TTBK1: variants seen among roughly 807,000 people sequenced by gnomAD.
The protein encoded by TTBK1 is tau-tubulin kinase 1.
A neutral mutation model predicts 108.5 loss-of-function variants in TTBK1; 34 were observed. That is an observed-to-expected ratio of 0.31 (90% CI 0.24 to 0.42). TTBK1 has a LOEUF of 0.42. TTBK1 is among the 10% of genes least tolerant of loss of function. The probability of loss-of-function intolerance (pLI) is 1.00; values close to 1 mark genes in which losing one functional copy is unlikely to be tolerated. For missense variants in TTBK1, 1,539 were observed against 1,826.0 expected (o/e 0.84, Z 2.86); for synonymous variants, 809 against 795.1 (o/e 1.02, Z -0.29).
In TTBK1 at chr6:43,253,546, C is replaced by A; in HGVS notation, c.331-22C>A. The A allele has an allele frequency of 1.3e-6, 2 of 1,595,780 alleles. No individual in the cohort carries two copies. Among genetic ancestry groups the A allele is most frequent in the Non-Finnish European group, 1.7e-6 (2 of 1,170,850 alleles). On this transcript the variant is annotated intron_variant, in intron 4 of 14. Coordinates refer to ENST00000259750, the MANE Select transcript of TTBK1 (RefSeq NM_032538.3). The surrounding 1 kb of genome is among the most constrained non-coding windows in gnomAD (Gnocchi z 5.8). ...GATGATGGCTGAGGGTGAGTCTACC[C>A]CCCACCTCCACCCCCATGCAGGGCC...
chr6:43,255,183 T>TG lies in TTBK1; in HGVS notation c.642+73dup, dbSNP rs1777352017. The TG allele has an allele frequency of 9.7e-5, 20 of 206,096 alleles. No homozygotes were observed. The Admixed American group carries it at 1.8e-3, about 18-fold the overall frequency. The allele number at this position is 206,096 out of a possible 1,614,324, so 12.8% of individuals were successfully genotyped here. A position where few individuals can be genotyped will look rare whatever the true frequency, so the allele number is the denominator to read the frequency against. ...GCAAGGTCGGGGTGCAGTGTGCTGC[T>TG]GGGGAGGGGTGGGGAGAGGAGAGTG... On this transcript the variant is annotated intron_variant, in intron 7 of 14. Transcript: ENST00000259750.
At chr6:43,275,597 A>G (rs117872220) in intron 13 of TTBK1, among the ~76,000 whole-genome samples, 1,300 of 91,506 alleles carry the variant, frequency 0.014, 30 homozygotes, top group East Asian at 0.11. Context: ...GCTGCCCCCC[A>G]CCCCGCCCCA....
In TTBK1 at chr6:43,282,094, C is replaced by T. The variant is rs1778180039; in HGVS notation, c.1987-633C>T. On this transcript the variant is annotated intron_variant, in intron 13 of 14. Transcript: ENST00000259750. This position sits in a 1 kb window ranked among gnomAD's most constrained non-coding sequence, Gnocchi z 5.4. ...CTGGCTGAGAGGATGGATTGGAGGT[C>T]GAGGGGCCCAGCCTGCACTTTTAAG... is the stretch of plus-strand genomic sequence containing the variant. Among the ~76,000 whole-genome samples the T allele has an allele frequency of 6.6e-6, 1 of 152,196 alleles. No individual in the cohort carries two copies. The highest frequency in any genetic ancestry group is 2.4e-5 in the African/African-American group (1 of 41,444).
Position 43,243,972 on chromosome 6 carries a change from C to T in TTBK1, c.-55+264C>T, listed in dbSNP as rs1216708764. On this transcript the variant is annotated intron_variant, in intron 1 of 14. Coordinates refer to ENST00000259750, the MANE Select transcript of TTBK1 (RefSeq NM_032538.3). This position sits in a 1 kb window ranked among gnomAD's most constrained non-coding sequence, Gnocchi z 5.5. The stretch of plus-strand genomic sequence containing the variant: ...CCCACTCACCTCCGTCCCCTGTCCC[C>T]ATGGCTTCACCCCTGGCTCTCCTGT... 6.6e-6 allele frequency among the ~76,000 whole-genome samples: 1 copy of T among 152,126 alleles called. No individual in the cohort carries two copies. Among genetic ancestry groups the T allele is most frequent in the Non-Finnish European group, 1.5e-5 (1 of 67,990 alleles).
At chr6:43,275,522 A>C (rs1184700313) in intron 13 of TTBK1, among the ~76,000 whole-genome samples, 1 of 151,592 alleles carries the variant, frequency 6.6e-6, no homozygotes, top group Admixed American at 6.6e-5. Context: ...GCGTTCGGCT[A>C]AGCCTCCAGG....
Position 43,254,618 on chromosome 6 carries a change from G to A in TTBK1, c.543G>A (p.Arg181=), listed in dbSNP as rs771582551. The change falls in exon 6 of 15, where the codon CGG becomes CGA. Residue 181 remains arginine (R), a synonymous_variant. Coordinates refer to ENST00000259750, the MANE Select transcript of TTBK1 (RefSeq NM_032538.3). ...ATATGCTGGACTTCGGGCTGGCCCGGCAGTACACCAACACCACGGGGGATG... is the reference window on the plus strand; with the variant it reads ...ATATGCTGGACTTCGGGCTGGCCCGACAGTACACCAACACCACGGGGGATG... ...KCYMLDFGLA[R]QYTNTTGDVR... 1.3e-6 allele frequency: 2 copies of A among 1,590,718 alleles called. No homozygotes were observed. Among genetic ancestry groups the A allele is most frequent in the East Asian group, 2.3e-5 (1 of 43,910 alleles).
intron 13 of TTBK1, among the ~76,000 whole-genome samples, chr6:43,264,631 G>A (rs974766079): frequency 2.6e-5 from 4 of 152,150 alleles, no homozygotes; most frequent in South Asian, 4.1e-4. Flanking sequence ...TCTGCATGAT[G>A]AGTGAGAGGG....
chr6:43,254,720 C>T (rs1777339103), intron 6 of TTBK1, 69 bp downstream of exon 6: 8 of 1,417,618 alleles, frequency 5.6e-6, no homozygotes, highest in Non-Finnish European at 3.8e-6. Context: ...GGACCCTTCA[C>T]CCACTTTTCT....
chr6:43,263,179 G>T lies in TTBK1; in HGVS notation c.1815G>T (p.Glu605Asp), dbSNP rs868347385. 1 of 1,579,704 alleles carries T rather than the reference G, an allele frequency of 6.3e-7. No homozygotes were observed. Among genetic ancestry groups the T allele is most frequent in the Non-Finnish European group, 8.6e-7 (1 of 1,162,468 alleles). Reference sequence around the variant, plus strand: ...GACGCAGCATGCAGGCGCTGGCGGAGGAGGACCTGCAGCATTTGCCGCCCC... The same window carrying T: ...GACGCAGCATGCAGGCGCTGGCGGATGAGGACCTGCAGCATTTGCCGCCCC... ...PRGRSMQALA[E>D]EDLQHLPPQP... The change falls in exon 13 of 15, where the codon GAG (glutamate) becomes GAT (aspartate). Residue 605 changes from glutamate (E) to aspartate (D), a missense_variant. Physicochemically the swap from Glu to Asp is conservative, Grantham distance 45 (BLOSUM62 2). Transcript: ENST00000259750. This position sits in a 1 kb window ranked among gnomAD's most constrained non-coding sequence, Gnocchi z 4.7.
Position 43,243,862 on chromosome 6 carries a change from G to A in TTBK1, c.-55+154G>A, listed in dbSNP as rs1777019626. 6.6e-6 allele frequency among the ~76,000 whole-genome samples: 1 copy of A among 152,086 alleles called. No homozygotes were observed. Among genetic ancestry groups the A allele is most frequent in the Non-Finnish European group, 1.5e-5 (1 of 67,948 alleles). The stretch of plus-strand genomic sequence containing the variant: ...GCTGGGACGCTGGCCTACACCGCCT[G>A]GGCCGCGCCGAGGCCTGGAGCCGCT... On this transcript the variant is annotated intron_variant, in intron 1 of 14. Transcript: ENST00000259750. This position sits in a 1 kb window ranked among gnomAD's most constrained non-coding sequence, Gnocchi z 5.5.
chr6:43,249,805 G>A (rs2841637), intron 2 of TTBK1, among the ~76,000 whole-genome samples: 8,001 of 152,100 alleles, frequency 0.053, 294 homozygotes, highest in African/African-American at 0.11. Flanking sequence ...TCAAACTCCC[G>A]ACCTCAAGTC....
rs1356136660 is a variant in TTBK1 at position 43,263,967 on chromosome 6, G to T, written c.1986+617G>T. On this transcript the variant is annotated intron_variant, in intron 13 of 14. Transcript: ENST00000259750. The surrounding 1 kb of genome is among the most constrained non-coding windows in gnomAD (Gnocchi z 4.7). ...GGTGGGGCTGTGGATGTGGGGCAAG[G>T]TGGATAGTGCCAAGGGTGTTGGGGA... is the stretch of plus-strand genomic sequence containing the variant. Among the ~76,000 whole-genome samples, 2 of 152,216 alleles carry T rather than the reference G, an allele frequency of 1.3e-5. No individual in the cohort carries two copies. The highest frequency in any genetic ancestry group is 4.8e-5 in the African/African-American group (2 of 41,448).
At chr6:43,284,764 C>T (rs940859775) in intron 14 of TTBK1, among the ~76,000 whole-genome samples, 21 of 152,160 alleles carry the variant, frequency 1.4e-4, no homozygotes, top group African/African-American at 4.8e-4. Flanking sequence ...AAGCCAGCAG[C>T]AGGCTCTTCC....
chr6:43,276,058 G>A lies in TTBK1; in HGVS notation c.1987-6669G>A, dbSNP rs1777980618. On this transcript the variant is annotated intron_variant, in intron 13 of 14. Coordinates refer to ENST00000259750, the MANE Select transcript of TTBK1 (RefSeq NM_032538.3). The surrounding 1 kb of genome is among the most constrained non-coding windows in gnomAD (Gnocchi z 5.4). ...AGACGCCTTCTAATTGCGGGGTGGG[G>A]GCGGAGTAGGGGAGGGATAGGAAGG... Among the ~76,000 whole-genome samples the A allele has an allele frequency of 6.6e-6, 1 of 152,120 alleles. No homozygotes were observed. The highest frequency in any genetic ancestry group is 6.5e-5 in the Admixed American group (1 of 15,286).
intron 13 of TTBK1, chr6:43,271,922 C>T (rs771085151): frequency 6.1e-6 from 6 of 984,150 alleles, no homozygotes; most frequent in Non-Finnish European, 7.2e-6. Context: ...AAACCCAAGC[C>T]TCTGTTGCCC....
At chr6:43,270,962 G>A (rs1302376308) in intron 13 of TTBK1, 2 of 985,370 alleles carry the variant, frequency 2.0e-6, no homozygotes, top group East Asian at 1.1e-4. Context: ...TGAAGACACA[G>A]CAGAAGAGAG....
rs779220748 is a variant in TTBK1 at position 43,263,154 on chromosome 6, G to A, written c.1790G>A (p.Gly597Glu). ...LGAEPTVRPR[G>E]RSMQALAEED... Reference sequence around the variant, plus strand: ...GCAGAGCCCACCGTCCGGCCCCGGGGACGCAGCATGCAGGCGCTGGCGGAG... The same window carrying A: ...GCAGAGCCCACCGTCCGGCCCCGGGAACGCAGCATGCAGGCGCTGGCGGAG... Residue 597 changes from glycine to glutamate, a missense_variant, in exon 13 of 15, where the codon GGA (glycine) becomes GAA (glutamate). Physicochemically the swap from Gly to Glu is moderately conservative, Grantham distance 98. Coordinates refer to ENST00000259750, the MANE Select transcript of TTBK1 (RefSeq NM_032538.3). This position sits in a 1 kb window ranked among gnomAD's most constrained non-coding sequence, Gnocchi z 4.7. 12 of 1,570,256 alleles carry A rather than the reference G, an allele frequency of 7.6e-6. No homozygotes were observed. The East Asian group carries it at 2.8e-4, about 36-fold the overall frequency.
At position 43,243,565 on chromosome 6, in the gene TTBK1, C is replaced by A; in HGVS notation, c.-198C>A. ...CGGGCCGGGCCGGGATGATCCGGGT[C>A]GGAAGGCCGCCGCCGCCGGAGGGAG... On this transcript the variant is annotated 5_prime_UTR_variant, in exon 1 of 15. Transcript: ENST00000259750. The surrounding 1 kb of genome is among the most constrained non-coding windows in gnomAD (Gnocchi z 5.5). 6.5e-6 allele frequency: 1 copy of A among 152,786 alleles called. No homozygotes were observed. Among genetic ancestry groups the A allele is most frequent in the South Asian group, 1.8e-4 (1 of 5,518 alleles). The allele number at this position is 152,786 out of a possible 1,614,324, so 9.5% of individuals were successfully genotyped here. A position where few individuals can be genotyped will look rare whatever the true frequency, so the allele number is the denominator to read the frequency against.
At chr6:43,272,199 G>C in intron 13 of TTBK1, 1 of 985,340 alleles carries the variant, frequency 1.0e-6, no homozygotes, top group African/African-American at 1.7e-5. Flanking sequence ...TGTGGGCAAG[G>C]GCCCCCCCAC....
Sources: allele counts gnomAD v4.1 joint callset (sites outside exome capture counted in the v4.1 genomes callset), GRCh38; gene constraint gnomAD v4.1.1; non-coding constraint Gnocchi (gnomAD v3.1); transcripts MANE v1.5; gene names NCBI Gene and HGNC (gene_info 2026-07-23, HGNC 2026-07-21).